The following HBS1L variants were observed in gnomAD, a reference collection of about 807,000 sequenced individuals.
HBS1L encodes HBS1-like protein.
Under a neutral mutation model 88.9 loss-of-function variants are expected in HBS1L, and 55 were observed. The observed-to-expected ratio is 0.62, with a 90% CI of 0.50 to 0.77. HBS1L has a LOEUF of 0.77. HBS1L is among the 30% of genes least tolerant of loss of function. The pLI is 0.00. For missense variants in HBS1L, 741 were observed against 829.3 expected, an observed-to-expected ratio of 0.89 and a Z score of 1.31; for synonymous variants, 267 against 288.5, an observed-to-expected ratio of 0.93 and a Z score of 0.76.
intron 2 of HBS1L, among the ~76,000 whole-genome samples, chr6:135,048,092 T>C (rs1776967038): frequency 6.6e-6 from 1 of 152,206 alleles, no homozygotes; most frequent in Non-Finnish European, 1.5e-5. Context: ...GCAAAGCACA[T>C]TTCTTCTTTG....
chr6:134,966,405 T>C lies in HBS1L; in HGVS notation c.1967A>G (p.Tyr656Cys). The change falls in exon 17 of 18, where the codon TAT becomes TGT. Residue 656 changes from tyrosine (Y) to cysteine (C), a missense_variant. Around this residue, in one of 3 missense-constraint regions of HBS1L, gnomAD observed 181 missense variants for 212.7 expected, o/e 0.85. Transcript: ENST00000367837. ...QTQRPIALEL[Y>C]KDFKELGRFM... ...CCTCCCCAGCTCTTTAAAGTCTTTATATAGCTCAAGAGCTATTGGTCTTTG... is the reference window on the plus strand; with the variant it reads ...CCTCCCCAGCTCTTTAAAGTCTTTACATAGCTCAAGAGCTATTGGTCTTTG... 1 of 1,612,292 alleles carries C rather than the reference T, an allele frequency of 6.2e-7. No homozygotes were observed. Among genetic ancestry groups the C allele is most frequent in the Non-Finnish European group, 8.5e-7 (1 of 1,178,490 alleles).
chr6:134,968,332 T>C (rs965249986), intron 16 of HBS1L, among the ~76,000 whole-genome samples: 3 of 151,352 alleles, frequency 2.0e-5, no homozygotes, highest in African/African-American at 4.9e-5. Flanking sequence ...CACTGCAACC[T>C]CCGCCCACCG....
intron 13 of HBS1L, among the ~76,000 whole-genome samples, chr6:134,979,987 G>T (rs1774780086): frequency 6.6e-6 from 1 of 151,998 alleles, no homozygotes; most frequent in Non-Finnish European, 1.5e-5. Flanking sequence ...GGTAGTCGGA[G>T]AGAGCAGTTC....
rs1236236805 is a variant in HBS1L at position 134,982,516 on chromosome 6, A to G, written c.1539T>C (p.Tyr513=). 1 of 1,611,848 alleles carries G rather than the reference A, an allele frequency of 6.2e-7. No homozygotes were observed. Among genetic ancestry groups the G allele is most frequent in the Non-Finnish European group, 8.5e-7 (1 of 1,178,458 alleles). ...CCAGTAGTCGGTCACCAGTTTGGAT[A>G]TAACCAGCTTCTATTTTACCAGTTA... The part of the protein sequence containing the change: ...FCITGKIEAG[Y]IQTGDRLLAM... Residue 513 remains tyrosine, a synonymous_variant, in exon 13 of 18, where the codon TAT becomes TAC. Coordinates refer to ENST00000367837, the MANE Select transcript of HBS1L (RefSeq NM_006620.4).
At chr6:135,054,102 A>C (rs1460678107) in intron 1 of HBS1L, among the ~76,000 whole-genome samples, 1 of 152,196 alleles carries the variant, frequency 6.6e-6, no homozygotes, top group African/African-American at 2.4e-5. Context: ...ACCGTCTCCT[A>C]AGTTTCCACT....
chr6:134,986,274 A>G, intron 10 of HBS1L, 91 bp from the exon 11 acceptor site: 1 of 699,114 alleles, frequency 1.4e-6, no homozygotes, highest in Non-Finnish European at 2.5e-6. Context: ...AAGTTTGCAA[A>G]AGCAACAATG....
At chr6:135,038,027 C>A (rs1306431717) in intron 4 of HBS1L, 2 of 1,494,712 alleles carry the variant, frequency 1.3e-6, no homozygotes, top group Non-Finnish European at 1.8e-6. Flanking sequence ...AATAAGACTC[C>A]TTACCTTACA....
intron 15 of HBS1L, among the ~76,000 whole-genome samples, chr6:134,970,075 C>G (rs187326915): frequency 1.7e-3 from 258 of 152,232 alleles, no homozygotes; most frequent in Middle Eastern, 6.8e-3. Context: ...TTAGTAGGCC[C>G]TGAAGTCAGA....
intron 5 of HBS1L, among the ~76,000 whole-genome samples, chr6:135,001,864 C>T (rs560651392): frequency 7.3e-6 from 1 of 136,246 alleles, no homozygotes; most frequent in Non-Finnish European, 1.6e-5. Flanking sequence ...CTAGTTTAGA[C>T]AAAAGAATAT....
At position 134,978,765 on chromosome 6, in the gene HBS1L, G is replaced by A; in HGVS notation, c.1711C>T (p.Pro571Ser). 4 of 1,605,968 alleles carry A rather than the reference G, an allele frequency of 2.5e-6. No homozygotes were observed. The South Asian group carries it at 4.5e-5, about 18-fold the overall frequency. Reference protein sequence around the residue: ...KINVGCIFCGPKVPIKACTRF... With the variant: ...KINVGCIFCGSKVPIKACTRF... The stretch of plus-strand genomic sequence containing the variant: ...GTGCAAGCTTTAATGGGTACTTTGG[G>A]GCCACAAAATATGCAGCCAACACTG... The change falls in exon 15 of 18, where the codon CCC (proline) becomes TCC (serine). Residue 571 changes from proline (P) to serine (S), a missense_variant. By Grantham distance (74) the Pro-to-Ser change is moderately conservative. Around this residue, in one of 3 missense-constraint regions of HBS1L, gnomAD observed 181 missense variants for 212.7 expected, o/e 0.85. Coordinates refer to ENST00000367837, the MANE Select transcript of HBS1L (RefSeq NM_006620.4).
intron 8 of HBS1L, among the ~76,000 whole-genome samples, chr6:134,988,335 C>G (rs1775036857): frequency 6.6e-6 from 1 of 151,594 alleles, no homozygotes; most frequent in African/African-American, 2.4e-5. Context: ...TACACTCCAG[C>G]CTAGGTGACA....
chr6:134,999,562 C>T lies in HBS1L; in HGVS notation c.540-1906G>A, dbSNP rs551720055. Among the ~76,000 whole-genome samples, 2 of 150,780 alleles carry T rather than the reference C, an allele frequency of 1.3e-5. 1 individual carries two copies. The highest frequency in any genetic ancestry group is 4.2e-4 in the South Asian group (2 of 4,760). On this transcript the variant is annotated intron_variant, in intron 5 of 17. Coordinates refer to ENST00000367837, the MANE Select transcript of HBS1L (RefSeq NM_006620.4). ...TCCCAGGTTCCAGCAATTCTCCTGCCTCAGCCTACTGAGTAGCTGGGATTA... is the reference window on the plus strand; with the variant it reads ...TCCCAGGTTCCAGCAATTCTCCTGCTTCAGCCTACTGAGTAGCTGGGATTA...
intron 1 of HBS1L, 141 bp downstream of exon 1, chr6:135,054,508 T>C: frequency 1.1e-6 from 1 of 905,406 alleles, no homozygotes; most frequent in Non-Finnish European, 1.7e-6. Context: ...CTAGAAGGCC[T>C]GTTATATTCC....
At chr6:134,982,869 G>T (rs1176203950) in intron 12 of HBS1L, 1 of 178,286 alleles carries the variant, frequency 5.6e-6, no homozygotes, top group African/African-American at 2.4e-5. Context: ...AAATAAAAAT[G>T]TAAGTCCCTG....
chr6:135,019,516 G>C (rs993134491), intron 4 of HBS1L, among the ~76,000 whole-genome samples: 7 of 151,890 alleles, frequency 4.6e-5, no homozygotes, highest in African/African-American at 1.2e-4. Flanking sequence ...GTATATTTAG[G>C]TGCCACACAC....
At chr6:135,035,686 G>A (rs1776516913) in intron 4 of HBS1L, among the ~76,000 whole-genome samples, 1 of 147,826 alleles carries the variant, frequency 6.8e-6, no homozygotes, top group Non-Finnish European at 1.5e-5. Flanking sequence ...GGGAGGCGGA[G>A]CTTGCAGTGA....
chr6:135,029,376 T>TACAC (rs1353123606), intron 4 of HBS1L, among the ~76,000 whole-genome samples: 2 of 151,020 alleles, frequency 1.3e-5, no homozygotes, highest in Non-Finnish European at 3.0e-5. Flanking sequence ...TACATACACA[T>TACAC]ACACACACAC....
At chr6:135,037,439 CA>C (rs1244186050) in intron 4 of HBS1L, 1 of 1,549,272 alleles carries the variant, frequency 6.5e-7, no homozygotes, top group Admixed American at 2.0e-5. Context: ...TCTTTACTAG[CA>C]TTTAAATTAT....
chr6:135,023,237 G>A (rs560581078), intron 4 of HBS1L, among the ~76,000 whole-genome samples: 67 of 152,250 alleles, frequency 4.4e-4, no homozygotes, highest in African/African-American at 1.5e-3. Context: ...GAGGTCAGGA[G>A]ATCGAGACCA....
Sources: gnomAD v4.1 joint callset for allele counts (sites outside exome capture counted in the v4.1 genomes callset) on GRCh38, gnomAD v4.1.1 for gene constraint, gnomAD v4.1.1 regional missense constraint, MANE v1.5 for transcripts, NCBI Gene and HGNC (gene_info 2026-07-23, HGNC 2026-07-21) for gene names.